The following SEMA5A variants were observed in gnomAD, a reference collection of about 807,000 sequenced individuals.
The protein encoded by SEMA5A is semaphorin 5A.
Under a neutral mutation model 135.5 loss-of-function variants are expected in SEMA5A, and 55 were observed. That is an observed-to-expected ratio of 0.41 (90% confidence interval 0.33 to 0.51). The LOEUF is 0.51. Ranked by LOEUF, SEMA5A falls within the 20% of genes least tolerant of loss-of-function variation. The pLI is 0.37. For synonymous variants in SEMA5A, 580 were observed against 546.5 expected, an observed-to-expected ratio of 1.06 and a Z score of -0.85; for missense variants, 1,290 against 1,419.9, an observed-to-expected ratio of 0.91 and a Z score of 1.47.
chr5:9,199,377 A>T (rs1373135097), intron 9 of SEMA5A, among the ~76,000 whole-genome samples: 1 of 152,084 alleles, frequency 6.6e-6, no homozygotes, highest in African/African-American at 2.4e-5. Context: ...CTCTGGGGGC[A>T]AAGGACGGGC....
chr5:9,394,055 T>C (rs1014126369), intron 2 of SEMA5A, among the ~76,000 whole-genome samples: 1 of 152,086 alleles, frequency 6.6e-6, no homozygotes, highest in African/African-American at 2.4e-5. Context: ...TTAAACAATA[T>C]TTTGAATTCG....
At position 9,283,252 on chromosome 5, in the gene SEMA5A, C is replaced by T. The variant is rs548003020; in HGVS notation, c.270+35120G>A. Among the ~76,000 whole-genome samples, 4 of 152,280 alleles carry T rather than the reference C, an allele frequency of 2.6e-5. No homozygotes were observed. The South Asian group carries it at 8.3e-4, about 32-fold the overall frequency. ...AGTCCATTCGTGGTTTAACCAGATCCTCTGTTTAGAAGCTCATTGTCCTGA... is the reference window on the plus strand; with the variant it reads ...AGTCCATTCGTGGTTTAACCAGATCTTCTGTTTAGAAGCTCATTGTCCTGA... On this transcript the variant is annotated intron_variant, in intron 5 of 22. Transcript: ENST00000382496.
chr5:9,048,828 G>A (rs1423634240), intron 21 of SEMA5A, among the ~76,000 whole-genome samples: 2 of 152,168 alleles, frequency 1.3e-5, no homozygotes, highest in Non-Finnish European at 2.9e-5. Context: ...GTACTAATTG[G>A]TATGATCATT....
At chr5:9,190,080 T>G (rs949864439) in intron 11 of SEMA5A, among the ~76,000 whole-genome samples, 187 bp downstream of exon 11, 1 of 152,110 alleles carries the variant, frequency 6.6e-6, no homozygotes, top group Non-Finnish European at 1.5e-5. Flanking sequence ...ATAGTGAAAA[T>G]AGATTGAGAT....
At chr5:9,343,131 C>T (rs1203721396) in intron 3 of SEMA5A, among the ~76,000 whole-genome samples, 1 of 152,132 alleles carries the variant, frequency 6.6e-6, no homozygotes, top group Non-Finnish European at 1.5e-5. Context: ...CTACTTTAAC[C>T]TGTGAATAAA....
At chr5:9,357,261 A>G (rs1299124966) in intron 3 of SEMA5A, among the ~76,000 whole-genome samples, 1 of 152,230 alleles carries the variant, frequency 6.6e-6, no homozygotes, top group African/African-American at 2.4e-5. Flanking sequence ...CTCCTTAAAA[A>G]AAGACTCAAA....
At chr5:9,408,675 T>A (rs1053669786) in intron 2 of SEMA5A, among the ~76,000 whole-genome samples, 2 of 152,134 alleles carry the variant, frequency 1.3e-5, no homozygotes, top group African/African-American at 4.8e-5. Context: ...TTATCCTCAT[T>A]TTTCATATGA....
At chr5:9,153,455 G>A (rs1000839246) in intron 12 of SEMA5A, among the ~76,000 whole-genome samples, 1 of 152,156 alleles carries the variant, frequency 6.6e-6, no homozygotes, top group African/African-American at 2.4e-5. Flanking sequence ...GTTGATCGTG[G>A]ATGTCCCACG....
At position 9,042,502 on chromosome 5, in the gene SEMA5A, C is replaced by G; in HGVS notation, c.*395G>C. On this transcript the variant is annotated 3_prime_UTR_variant, in exon 23 of 23. Transcript: ENST00000382496. ...TGCACTTCTTGTGGAAGGAGCAGGT[C>G]TTTCAGAGAAAGTGCCTATTTTCTT... is the stretch of plus-strand genomic sequence containing the variant. The G allele has an allele frequency of 5.7e-5, 13 of 228,534 alleles. No homozygotes were observed. The highest frequency in any genetic ancestry group is 2.5e-4 in the South Asian group (4 of 15,902). The allele number at this position is 228,534 out of a possible 1,614,324, so 14.2% of individuals were successfully genotyped here.
At chr5:9,185,986 A>ACTTG (rs1744788189) in intron 11 of SEMA5A, among the ~76,000 whole-genome samples, 1 of 152,190 alleles carries the variant, frequency 6.6e-6, no homozygotes, top group Non-Finnish European at 1.5e-5. Context: ...CAAGTAAGGG[A>ACTTG]GAAACTCCCA....
chr5:9,473,754 C>A (rs1354129213), intron 1 of SEMA5A, among the ~76,000 whole-genome samples: 4 of 152,134 alleles, frequency 2.6e-5, no homozygotes, highest in Non-Finnish European at 5.9e-5. Context: ...AAACTCAGCC[C>A]TGTAAACTGG....
chr5:9,525,995 T>G (rs1737102185), intron 1 of SEMA5A, among the ~76,000 whole-genome samples: 2 of 152,356 alleles, frequency 1.3e-5, no homozygotes, highest in South Asian at 4.1e-4. Context: ...AATTACACTT[T>G]AAAGATTTAT....
intron 11 of SEMA5A, among the ~76,000 whole-genome samples, chr5:9,179,316 A>C (rs896346775): frequency 3.6e-4 from 55 of 152,198 alleles, no homozygotes; most frequent in Admixed American, 3.5e-3. Context: ...AATTTTTACT[A>C]CTGAGGGCAA....
intron 16 of SEMA5A, among the ~76,000 whole-genome samples, chr5:9,068,014 T>A (rs914211488): frequency 6.6e-6 from 1 of 152,330 alleles, no homozygotes; most frequent in South Asian, 2.1e-4. Flanking sequence ...TATTCTTATT[T>A]TTTTGGTCAC....
chr5:9,044,534 C>A lies in SEMA5A; in HGVS notation c.2944G>T (p.Gly982Cys). The stretch of plus-strand genomic sequence containing the variant: ...TAGACGAGCAGGGTGAGGAGGCAGC[C>A]GAGGATGGAGCTGCTCAGCCCCACG... ...IAVGLSSSIL[G>C]CLLTLLVYTY... The change falls in exon 22 of 23, where the codon GGC becomes TGC. Residue 982 changes from glycine to cysteine, a missense_variant. Gly to Cys is a radical substitution (Grantham distance 159). Coordinates refer to ENST00000382496, the MANE Select transcript of SEMA5A (RefSeq NM_003966.3). The A allele has an allele frequency of 6.2e-7, 1 of 1,613,900 alleles. No homozygotes were observed.
At chr5:9,162,200 T>C (rs148482260) in intron 11 of SEMA5A, among the ~76,000 whole-genome samples, 1 of 152,294 alleles carries the variant, frequency 6.6e-6, no homozygotes, top group African/African-American at 2.4e-5. Flanking sequence ...CTTTTATGAA[T>C]AACCCTGACT....
intron 1 of SEMA5A, among the ~76,000 whole-genome samples, chr5:9,504,749 A>G (rs438343): frequency 0.97 from 147,905 of 152,346 alleles, 72,052 homozygotes; most frequent in Non-Finnish European, 1. Flanking sequence ...TGGGAGCCAA[A>G]TCATGGGAGC....
At chr5:9,360,889 G>A (rs919353093) in intron 3 of SEMA5A, among the ~76,000 whole-genome samples, 8 of 152,168 alleles carry the variant, frequency 5.3e-5, no homozygotes, top group African/African-American at 1.9e-4. Context: ...CTAGGGGAGA[G>A]AGTATTAAGT....
Position 9,201,901 on chromosome 5 carries a change from A to G in SEMA5A, c.932+54T>C, listed in dbSNP as rs968197709. ...AACCTCAGAGGTCAAAGAACAGAAG[A>G]CTTATTCAGAATGAGTAAGAGAGAG... On this transcript the variant is annotated intron_variant, in intron 9 of 22. Transcript: ENST00000382496. 5 of 1,499,652 alleles carry G rather than the reference A, an allele frequency of 3.3e-6. No homozygotes were observed. The African/African-American group carries it at 6.9e-5, about 21-fold the overall frequency. 92.9% of individuals were successfully genotyped at this position (1,499,652 alleles called of 1,614,324 possible). A position where few individuals can be genotyped will look rare whatever the true frequency, so the allele number is the denominator to read the frequency against.
Sources: allele counts gnomAD v4.1 joint callset (sites outside exome capture counted in the v4.1 genomes callset), GRCh38; gene constraint gnomAD v4.1.1; transcripts MANE v1.5; gene names NCBI Gene and HGNC (gene_info 2026-07-23, HGNC 2026-07-21).